The following PLCG2 variants were observed in gnomAD, a reference collection of about 807,000 sequenced individuals.
PLCG2 encodes 1-phosphatidylinositol 4,5-bisphosphate phosphodiesterase gamma-2.
In PLCG2, 69 loss-of-function variants were observed where a neutral mutation model predicts 175.6. The ratio of observed to expected loss-of-function variants is 0.39; its 90% CI spans 0.32 to 0.48. The LOEUF (loss-of-function observed/expected upper bound fraction) is 0.48, where lower values mean the gene tolerates loss of function less well. Ranked by LOEUF, PLCG2 falls within the 20% of genes least tolerant of loss-of-function variation. PLCG2 has a pLI of 0.91. For missense variants in PLCG2, 1,798 were observed against 1,650.9 expected, an observed-to-expected ratio of 1.09 and a Z score of -1.54; for synonymous variants, 827 against 624.0, an observed-to-expected ratio of 1.33 and a Z score of -4.85.
At chr16:81,758,573 A>T (rs1000759220) in intron 2 of PLCG2, among the ~76,000 whole-genome samples, 5 of 152,120 alleles carry the variant, frequency 3.3e-5, no homozygotes, top group African/African-American at 1.2e-4. Context: ...AGGAACTGCT[A>T]AACTATTTTC....
At chr16:81,836,704 C>G (rs1405439493) in intron 2 of PLCG2, among the ~76,000 whole-genome samples, 1 of 152,194 alleles carries the variant, frequency 6.6e-6, no homozygotes, top group African/African-American at 2.4e-5. Flanking sequence ...TGTGCCACTG[C>G]ACTCCAACCT....
upstream of PLCG2, among the ~76,000 whole-genome samples, chr16:81,778,876 G>C (rs1454687041): frequency 6.6e-6 from 1 of 152,194 alleles, no homozygotes; most frequent in Non-Finnish European, 1.5e-5. Context: ...GCTCATTGCT[G>C]TCTCGAACTC....
Position 81,830,197 on chromosome 16 carries a change from G to A in PLCG2, c.194-24247G>A, listed in dbSNP as rs1489600633. Among the ~76,000 whole-genome samples the A allele has an allele frequency of 2.0e-5, 3 of 152,218 alleles. No homozygotes were observed. The East Asian group carries it at 5.8e-4, about 29-fold the overall frequency. On this transcript the variant is annotated intron_variant, in intron 2 of 32. Transcript: ENST00000564138. ...TAGCCAGGCATGTTGGCACGCATCT[G>A]TGGTCCCAGCTACTTAGGAGTCTGA...
intron 32 of PLCG2, 68 bp from the exon 33 acceptor site, chr16:81,957,888 T>G: frequency 7.4e-7 from 1 of 1,343,254 alleles, no homozygotes; most frequent in South Asian, 1.2e-5. Context: ...AAGAGAAATG[T>G]TACAGAGTTC....
chr16:81,749,714 G>C (rs1000182500), intron 1 of PLCG2, among the ~76,000 whole-genome samples: 23 of 152,184 alleles, frequency 1.5e-4, no homozygotes, highest in Non-Finnish European at 2.8e-4. Context: ...GAAGTATTTG[G>C]AGGGCAATTT....
intron 2 of PLCG2, among the ~76,000 whole-genome samples, chr16:81,761,927 G>A (rs1910050254): frequency 6.6e-6 from 1 of 150,898 alleles, no homozygotes; most frequent in Non-Finnish European, 1.5e-5. Context: ...TGCCTCCTAG[G>A]TTCAAGTGAT....
At chr16:81,751,876 G>T (rs1053129056) in intron 1 of PLCG2, among the ~76,000 whole-genome samples, 3 of 151,946 alleles carry the variant, frequency 2.0e-5, no homozygotes, top group Non-Finnish European at 4.4e-5. Context: ...ATAAACATTA[G>T]GTGGATATGG....
At chr16:81,842,215 C>T (rs1008281320) in intron 2 of PLCG2, among the ~76,000 whole-genome samples, 5 of 152,180 alleles carry the variant, frequency 3.3e-5, no homozygotes, top group Admixed American at 6.5e-5. Flanking sequence ...TCCTCTTCTT[C>T]CCAGGTGAGC....
chr16:81,866,690 C>A (rs1218535429), intron 5 of PLCG2, among the ~76,000 whole-genome samples: 1 of 145,318 alleles, frequency 6.9e-6, no homozygotes, highest in African/African-American at 2.5e-5. Flanking sequence ...CTGGCCTCTC[C>A]CTTGCTCCCA....
intron 2 of PLCG2, among the ~76,000 whole-genome samples, chr16:81,802,402 G>T (rs376821237): frequency 6.6e-6 from 1 of 150,904 alleles, no homozygotes; most frequent in Non-Finnish European, 1.5e-5. Flanking sequence ...GTGAGCCACC[G>T]CGCCCGGCCT....
At chr16:81,925,459 G>T (rs186871776) in intron 22 of PLCG2, among the ~76,000 whole-genome samples, 20 of 152,288 alleles carry the variant, frequency 1.3e-4, no homozygotes, top group African/African-American at 4.8e-4. Flanking sequence ...GTGCGGGGGG[G>T]CGTGAAAAGG....
chr16:81,936,143 C>G, intron 26 of PLCG2, 26 bp from the exon 27 acceptor site: 1 of 1,612,668 alleles, frequency 6.2e-7, no homozygotes, highest in Non-Finnish European at 8.5e-7. Flanking sequence ...CACAGAAGTA[C>G]TGATGACCTT....
intron 14 of PLCG2, among the ~76,000 whole-genome samples, chr16:81,903,476 G>A (rs904972119): frequency 5.3e-5 from 8 of 152,220 alleles, no homozygotes; most frequent in Non-Finnish European, 8.8e-5. Flanking sequence ...TTGCCTAAGC[G>A]GGAGATCAGC....
chr16:81,772,951 A>T (rs1032486212), intron 2 of PLCG2, among the ~76,000 whole-genome samples: 1 of 152,182 alleles, frequency 6.6e-6, no homozygotes, highest in Non-Finnish European at 1.5e-5. Context: ...GACCCTGCAG[A>T]CTGCCTGCCT....
chr16:81,955,215 AC>A (rs1486125834), intron 31 of PLCG2, among the ~76,000 whole-genome samples: 1 of 152,162 alleles, frequency 6.6e-6, no homozygotes, highest in African/African-American at 2.4e-5. Flanking sequence ...TCCAGCTGTT[AC>A]CCTGGGGACT....
At chr16:81,932,107 T>C (rs1051793418) in intron 25 of PLCG2, among the ~76,000 whole-genome samples, 7 of 152,222 alleles carry the variant, frequency 4.6e-5, no homozygotes, top group African/African-American at 1.4e-4. Flanking sequence ...TTCTTTCCGG[T>C]GGAGGAACTT....
chr16:81,863,375 G>C (rs148238991), intron 5 of PLCG2, among the ~76,000 whole-genome samples: 6 of 152,240 alleles, frequency 3.9e-5, no homozygotes, highest in Non-Finnish European at 2.9e-5. Context: ...GCATGTGTTA[G>C]AATCTTCTTC....
upstream of PLCG2, among the ~76,000 whole-genome samples, chr16:81,778,892 C>G (rs968150264): frequency 2.8e-4 from 43 of 152,238 alleles, no homozygotes; most frequent in African/African-American, 6.5e-4. Context: ...AACTCTCGAG[C>G]TCAGACGATC....
intron 12 of PLCG2, among the ~76,000 whole-genome samples, chr16:81,895,432 C>T (rs916306547): frequency 1.3e-5 from 2 of 152,068 alleles, no homozygotes; most frequent in Admixed American, 6.6e-5. Flanking sequence ...TGATGGTACG[C>T]GCCTGTAGTC....
Sources: allele counts gnomAD v4.1 joint callset (sites outside exome capture counted in the v4.1 genomes callset), GRCh38; gene constraint gnomAD v4.1.1; transcripts MANE v1.5; gene names NCBI Gene and HGNC (gene_info 2026-07-23, HGNC 2026-07-21).